The following INSL3 variants were observed in gnomAD, a reference collection of about 807,000 sequenced individuals.
The protein encoded by INSL3 is insulin like 3.
INSL3 carries 6 observed loss-of-function variants against 5.5 expected under a neutral mutation model. The ratio of observed to expected loss-of-function variants is 1.08; its 90% CI spans 0.59 to 2.14. INSL3 has a LOEUF of 2.14. INSL3 is among the 30% of genes most tolerant of loss of function. The pLI, the probability that INSL3 is intolerant of heterozygous loss-of-function variation, is 0.00. For missense variants in INSL3, 178 were observed against 184.7 expected (o/e 0.96, Z 0.21); for synonymous variants, 86 against 82.1 (o/e 1.05, Z -0.26).
chr19:17,820,182 G>A (rs2147662997), intron 1 of INSL3, among the ~76,000 whole-genome samples: 1 of 152,246 alleles, frequency 6.6e-6, no homozygotes, highest in East Asian at 1.9e-4. Context: ...TACTCTGGAG[G>A]CTGAGGCAGG....
intron 1 of INSL3, among the ~76,000 whole-genome samples, chr19:17,817,940 A>AT: frequency 6.6e-6 from 1 of 151,788 alleles, no homozygotes; most frequent in South Asian, 2.1e-4. Context: ...TGAGTGCCCC[A>AT]TGCCCTGCCC....
chr19:17,819,581 C>A (rs1458878803), intron 1 of INSL3, among the ~76,000 whole-genome samples: 1 of 152,172 alleles, frequency 6.6e-6, no homozygotes, highest in African/African-American at 2.4e-5. Flanking sequence ...GTGGCTCATG[C>A]CTGTAATCCC....
rs867008310 is a variant in INSL3 at position 17,816,578 on chromosome 19, C to A, written c.*276G>T. 5.7e-6 allele frequency: 3 copies of A among 527,116 alleles called. No homozygotes were observed. In the Admixed American group the frequency reaches 9.5e-5, roughly 17 times the overall value. 32.7% of individuals were successfully genotyped at this position (527,116 alleles called of 1,614,324 possible). On this transcript the variant is annotated 3_prime_UTR_variant, in exon 2 of 2. Coordinates refer to ENST00000317306, the MANE Select transcript of INSL3 (RefSeq NM_005543.4). ...GGTGTTACACATGCAGGGAGCGGAG[C>A]GTCTGGGGCTCCCCTGGAGTGAGGA...
intron 1 of INSL3, among the ~76,000 whole-genome samples, chr19:17,819,383 G>A (rs868357345): frequency 1.1e-4 from 16 of 151,926 alleles, no homozygotes; most frequent in South Asian, 6.2e-4. Flanking sequence ...GAGTAGCAGG[G>A]ATTACAGGCA....
Position 17,821,489 on chromosome 19 carries a change from G to A in INSL3, c.18C>T (p.Pro6=), listed in dbSNP as rs970345817. Residue 6 remains proline, a synonymous_variant, in exon 1 of 2, where the codon CCC becomes CCT. Transcript: ENST00000317306. ...GGCCCAGCAGCACCAGCGCCCAGGC[G>A]GGCAGACGGGGGTCCATGGTGGTGG... MDPRL[P]AWALVLLGPA... is the part of the protein sequence containing the mutation. 6 of 1,496,898 alleles carry A rather than the reference G, an allele frequency of 4.0e-6. No homozygotes were observed. In the Admixed American group the frequency reaches 8.9e-5, roughly 22 times the overall value. The allele number at this position is 1,496,898 out of a possible 1,614,324, so 92.7% of individuals were successfully genotyped here. A position where few individuals can be genotyped will look rare whatever the true frequency, so the allele number is the denominator to read the frequency against.
chr19:17,818,783 T>C (rs1187740658), intron 1 of INSL3, among the ~76,000 whole-genome samples: 1 of 152,064 alleles, frequency 6.6e-6, no homozygotes, highest in African/African-American at 2.4e-5. Context: ...TGTGAGGCTA[T>C]TCATGGCATT....
intron 1 of INSL3, among the ~76,000 whole-genome samples, chr19:17,819,077 G>A (rs750295196): frequency 6.9e-4 from 105 of 151,456 alleles, no homozygotes; most frequent in Non-Finnish European, 1.2e-3. Flanking sequence ...GTTTCGCCAC[G>A]TTGGCCAGGC....
chr19:17,821,169 G>T (rs2147663791), intron 1 of INSL3, 148 bp downstream of exon 1: 1 of 947,460 alleles, frequency 1.1e-6, no homozygotes, highest in Non-Finnish European at 1.6e-6. Flanking sequence ...CTCCAGTGCG[G>T]ACCCACGATC....
At chr19:17,820,845 A>C (rs2094194496) in intron 1 of INSL3, among the ~76,000 whole-genome samples, 8 of 132,758 alleles carry the variant, frequency 6.0e-5, no homozygotes, top group East Asian at 2.2e-4. Flanking sequence ...ACGGAGTTTC[A>C]CTCTGTCGCC....
chr19:17,820,660 AAAAC>A (rs544426984), intron 1 of INSL3, among the ~76,000 whole-genome samples: 23 of 152,230 alleles, frequency 1.5e-4, no homozygotes, highest in African/African-American at 4.1e-4. Context: ...CCTGTCTCAA[AAAAC>A]AAACAAACAA....
intron 1 of INSL3, chr19:17,820,504 A>T (rs1283429466): frequency 3.7e-6 from 1 of 273,308 alleles, no homozygotes; most frequent in Non-Finnish European, 7.1e-6. Flanking sequence ...CGAAAAAGAA[A>T]AAAAAATTAG....
chr19:17,816,812 C>G lies in INSL3; in HGVS notation c.*42G>C. Reference sequence around the variant, plus strand: ...CCTCAGGAGCTCACCAGACCAGACCCTCTGGGCCTCAGGCCACTCTGAGGC... The same window carrying G: ...CCTCAGGAGCTCACCAGACCAGACCGTCTGGGCCTCAGGCCACTCTGAGGC... On this transcript the variant is annotated 3_prime_UTR_variant, in exon 2 of 2. Transcript: ENST00000317306. 6.3e-7 allele frequency: 1 copy of G among 1,597,762 alleles called. No individual in the cohort carries two copies. The highest frequency in any genetic ancestry group is 8.6e-7 in the Non-Finnish European group (1 of 1,167,258).
At chr19:17,819,397 G>A (rs1329654398) in intron 1 of INSL3, among the ~76,000 whole-genome samples, 1 of 151,962 alleles carries the variant, frequency 6.6e-6, no homozygotes, top group East Asian at 1.9e-4. Flanking sequence ...ACAGGCATGA[G>A]CCACCACATC....
rs1274839422 is a variant in INSL3, at chr19:17,821,519, C to T, written c.-13G>A. 84 of 1,462,548 alleles carry T rather than the reference C, an allele frequency of 5.7e-5. No individual in the cohort carries two copies. The highest frequency in any genetic ancestry group is 7.0e-5 in the Non-Finnish European group (77 of 1,106,318). The allele number at this position is 1,462,548 out of a possible 1,614,324, so 90.6% of individuals were successfully genotyped here. On this transcript the variant is annotated 5_prime_UTR_variant, in exon 1 of 2. Transcript: ENST00000317306. ...GACGGGGGTCCATGGTGGTGGGTGG[C>T]GCCGGGGCCAAGCGGGGACCCCCTT...
chr19:17,819,246 T>TA lies in INSL3; in HGVS notation c.190+2070dup, dbSNP rs201341719. ...GAGACCCTGTCTCAAAATATATATA[T>TA]ATAATAATAATAATATTAATATTTT... On this transcript the variant is annotated intron_variant, in intron 1 of 1. Coordinates refer to ENST00000317306, the MANE Select transcript of INSL3 (RefSeq NM_005543.4). 1.5e-3 allele frequency among the ~76,000 whole-genome samples: 222 copies of TA among 147,952 alleles called. 1 individual carries two copies. The highest frequency in any genetic ancestry group is 5.3e-3 in the African/African-American group (214 of 40,648).
At chr19:17,820,974 C>T (rs1377870396) in intron 1 of INSL3, among the ~76,000 whole-genome samples, 2 of 151,900 alleles carry the variant, frequency 1.3e-5, no homozygotes, top group Non-Finnish European at 2.9e-5. Flanking sequence ...TCATTATCCC[C>T]GGCTAATTTT....
At chr19:17,818,958 T>C (rs1197415462) in intron 1 of INSL3, among the ~76,000 whole-genome samples, 3 of 146,600 alleles carry the variant, frequency 2.0e-5, no homozygotes, top group Non-Finnish European at 4.5e-5. Flanking sequence ...CACTGCAACC[T>C]CCACCTCCCG....
intron 1 of INSL3, among the ~76,000 whole-genome samples, chr19:17,818,120 A>C (rs1334987262): frequency 6.6e-6 from 1 of 152,038 alleles, no homozygotes; most frequent in Non-Finnish European, 1.5e-5. Flanking sequence ...TCACCCACGC[A>C]TGTGTGGTGG....
intron 1 of INSL3, chr19:17,820,378 C>T: frequency 2.4e-6 from 1 of 414,976 alleles, no homozygotes; most frequent in Non-Finnish European, 4.7e-6. Context: ...ACTTTTAAAG[C>T]TGGACACAGT....
Sources: allele counts gnomAD v4.1 joint callset (sites outside exome capture counted in the v4.1 genomes callset), GRCh38; gene constraint gnomAD v4.1.1; transcripts MANE v1.5; gene names NCBI Gene and HGNC (gene_info 2026-07-23, HGNC 2026-07-21).